Variants in MAD2L2 observed in about 807,000 individuals in gnomAD.
MAD2L2 encodes the protein mitotic spindle assembly checkpoint protein MAD2B.
In MAD2L2, 17 loss-of-function variants were observed where a neutral mutation model predicts 30.5. The observed-to-expected ratio is 0.56, with a 90% CI of 0.38 to 0.84. The LOEUF (loss-of-function observed/expected upper bound fraction) is 0.84. Among genes scored for constraint, MAD2L2 ranks in the 40% least tolerant of loss-of-function variants. The probability of loss-of-function intolerance (pLI) is 0.00; values close to 1 mark genes in which losing one functional copy is unlikely to be tolerated. For missense variants in MAD2L2, 213 were observed against 277.4 expected (o/e 0.77, Z 1.65); for synonymous variants, 101 against 113.9 (o/e 0.89, Z 0.72).
chr1:11,683,919 C>T (rs1284754440), upstream of MAD2L2, among the ~76,000 whole-genome samples: 1 of 152,118 alleles, frequency 6.6e-6, no homozygotes, highest in Non-Finnish European at 1.5e-5. Flanking sequence ...TGTGGTGAGC[C>T]AAGATCGCAC....
upstream of MAD2L2, chr1:11,681,187 CGCCCA>C (rs1024214318): frequency 1.3e-5 from 2 of 152,226 alleles, no homozygotes; most frequent in African/African-American, 4.8e-5. Context: ...GCGCCCGCCC[CGCCCA>C]GGCCACGCCC....
At chr1:11,679,028 GT>G (rs1338592569) in intron 3 of MAD2L2, among the ~76,000 whole-genome samples, 98 of 152,088 alleles carry the variant, frequency 6.4e-4, no homozygotes, top group African/African-American at 2.3e-3. Flanking sequence ...GCCAGATGTG[GT>G]GGCACACGCC....
At position 11,675,095 on chromosome 1, in the gene MAD2L2, G is replaced by A. The variant is rs865829239; in HGVS notation, c.581C>T (p.Ser194Leu). The A allele has an allele frequency of 1.4e-5, 22 of 1,595,328 alleles. No homozygotes were observed. The highest frequency in any genetic ancestry group is 4.0e-5 in the African/African-American group (3 of 74,128). The change falls in exon 8 of 9, where the codon TCG becomes TTG. Residue 194 changes from serine to leucine, a missense_variant. Transcript: ENST00000376692. The part of the protein sequence containing the change: ...PRLIPLKTMT[S>L]DILKMQLYVE... ...CACGAAGCTCACCTTTAAAATGTCCGACGTCATGGTTTTTAGTGGTATCAG... is the reference window on the plus strand; with the variant it reads ...CACGAAGCTCACCTTTAAAATGTCCAACGTCATGGTTTTTAGTGGTATCAG...
intron 7 of MAD2L2, 45 bp from the exon 8 acceptor site, chr1:11,675,219 G>A: frequency 7.2e-7 from 1 of 1,381,700 alleles, no homozygotes; most frequent in Non-Finnish European, 9.9e-7. Context: ...GCTGGGCCCT[G>A]GCCTGCCCTC....
intron 1 of MAD2L2, 101 bp downstream of exon 1, chr1:11,680,938 G>T: frequency 3.0e-6 from 1 of 332,800 alleles, no homozygotes; most frequent in Non-Finnish European, 4.8e-6. Flanking sequence ...GCGCAAAGCG[G>T]GACATGCGGA....
At chr1:11,675,594 C>T (rs1023652345) in intron 7 of MAD2L2, 64 bp downstream of exon 7, 25 of 1,506,978 alleles carry the variant, frequency 1.7e-5, no homozygotes, top group Admixed American at 1.2e-4. Context: ...TGCCCCTGCC[C>T]GCCTGGAACT....
intron 1 of MAD2L2, among the ~76,000 whole-genome samples, chr1:11,689,743 A>G (rs1230846171): frequency 6.6e-6 from 1 of 152,084 alleles, no homozygotes; most frequent in Non-Finnish European, 1.5e-5. Flanking sequence ...TTATTCCTCT[A>G]CTGTCTTAAT....
rs1004076478 is a variant in MAD2L2, at chr1:11,675,907, G to A, written c.427+139C>T. 6 of 896,712 alleles carry A rather than the reference G, an allele frequency of 6.7e-6. No individual in the cohort carries two copies. In the African/African-American group the frequency reaches 9.8e-5, roughly 15 times the overall value. 55.5% of individuals were successfully genotyped at this position (896,712 alleles called of 1,614,324 possible). A position where few individuals can be genotyped will look rare whatever the true frequency, so the allele number is the denominator to read the frequency against. The stretch of plus-strand genomic sequence containing the variant: ...TGGAAGCCAGGTAGAATCAATCAGG[G>A]AAGCTTCCCAGAGGAGGTGGACTCT... On this transcript the variant is annotated intron_variant, in intron 6 of 8. Transcript: ENST00000376692.
At chr1:11,680,923 C>T (rs1640864065) in intron 1 of MAD2L2, 116 bp downstream of exon 1, 2 of 448,618 alleles carry the variant, frequency 4.5e-6, no homozygotes, top group Admixed American at 5.2e-5. Flanking sequence ...TGCCCAGGGC[C>T]GGGAGCGCAA....
At chr1:11,677,367 G>A (rs1421728098) in intron 4 of MAD2L2, 176 bp downstream of exon 4, 1 of 661,370 alleles carries the variant, frequency 1.5e-6, no homozygotes, top group Non-Finnish European at 2.6e-6. Context: ...GCATGCCTTG[G>A]GGCCTGCCCC....
intron 4 of MAD2L2, chr1:11,677,222 C>T: frequency 1.7e-6 from 1 of 601,648 alleles, no homozygotes; most frequent in Non-Finnish European, 2.9e-6. Context: ...CCCTGAGGGG[C>T]TCAGCTCAGA....
upstream of MAD2L2, among the ~76,000 whole-genome samples, chr1:11,683,308 T>C (rs928033146): frequency 6.6e-6 from 1 of 152,138 alleles, no homozygotes; most frequent in Non-Finnish European, 1.5e-5. Context: ...CAGAAAAACC[T>C]TGGAGGACAT....
chr1:11,680,647 A>G, intron 1 of MAD2L2, 34 bp from the exon 2 acceptor site: 1 of 1,519,222 alleles, frequency 6.6e-7, no homozygotes, highest in East Asian at 2.3e-5. Flanking sequence ...GGGTAGTTCC[A>G]GAGACCCAGG....
Position 11,676,828 on chromosome 1 carries a change from G to C in MAD2L2, c.332+20C>G, listed in dbSNP as rs559644551. On this transcript the variant is annotated intron_variant, in intron 5 of 8. Transcript: ENST00000376692. The stretch of plus-strand genomic sequence containing the variant: ...ACACACCTGATGCCAGCTAGTGGGC[G>C]AGGGGCAGGGGCAGCCCACCTGATG... 1.3e-6 allele frequency: 2 copies of C among 1,599,102 alleles called. No individual in the cohort carries two copies. The highest frequency in any genetic ancestry group is 4.5e-5 in the East Asian group (2 of 44,806).
chr1:11,676,754 T>TCC lies in MAD2L2; in HGVS notation c.332+93_332+94insGG, dbSNP rs1570285445. 1.9e-5 allele frequency: 18 copies of TCC among 956,408 alleles called. No individual in the cohort carries two copies. The East Asian group carries it at 4.4e-4, about 23-fold the overall frequency. The allele number at this position is 956,408 out of a possible 1,614,324, so 59.2% of individuals were successfully genotyped here. On this transcript the variant is annotated intron_variant, in intron 5 of 8. Transcript: ENST00000376692. ...CTTGCCCTTTCTCCTCCCAGGCCTT[T>TCC]ACCAAGGTATTCAAGGGCCGCCTTA...
chr1:11,685,345 A>G (rs890771197), upstream of MAD2L2, among the ~76,000 whole-genome samples: 3 of 152,150 alleles, frequency 2.0e-5, no homozygotes, highest in East Asian at 3.9e-4. Flanking sequence ...TTGAATCCCA[A>G]CTGAGTCTGG....
At chr1:11,679,166 A>C (rs1426999672) in intron 3 of MAD2L2, among the ~76,000 whole-genome samples, 2 of 152,228 alleles carry the variant, frequency 1.3e-5, no homozygotes, top group Non-Finnish European at 2.9e-5. Context: ...TCAGTCTCAA[A>C]AAATAAAATA....
intron 1 of MAD2L2, 76 bp from the exon 2 acceptor site, chr1:11,680,689 TC>T (rs1640858907): frequency 6.7e-7 from 1 of 1,495,058 alleles, no homozygotes. Flanking sequence ...CACCGTCTCT[TC>T]CCTCCCCACA....
upstream of MAD2L2, among the ~76,000 whole-genome samples, chr1:11,684,928 C>CT (rs60300457): frequency 0.099 from 14,422 of 145,622 alleles, 1,112 homozygotes; most frequent in African/African-American, 0.21. Context: ...CTCTCTCTCT[C>CT]TTTTTTTTTT....
Sources: gnomAD v4.1 joint callset for allele counts (sites outside exome capture counted in the v4.1 genomes callset) on GRCh38, gnomAD v4.1.1 for gene constraint, MANE v1.5 for transcripts, NCBI Gene and HGNC (gene_info 2026-07-23, HGNC 2026-07-21) for gene names.